Variants in IGDCC4 observed in about 807,000 individuals in gnomAD.
IGDCC4 encodes immunoglobulin superfamily DCC subclass member 4.
A neutral mutation model predicts 116.6 loss-of-function variants in IGDCC4; 72 were observed. The ratio of observed to expected loss-of-function variants is 0.62; its 90% CI spans 0.51 to 0.75. IGDCC4 has a LOEUF of 0.75. IGDCC4 is among the 30% of genes least tolerant of loss of function. The pLI is 0.00. For synonymous variants in IGDCC4, 709 were observed against 719.9 expected (o/e 0.98, Z 0.24); for missense variants, 1,501 against 1,662.4 (o/e 0.90, Z 1.69).
In IGDCC4 at chr15:65,400,959, C is replaced by A. The variant is rs751936847; in HGVS notation, c.701-13G>T. The A allele has an allele frequency of 1.9e-6, 3 of 1,613,928 alleles. No homozygotes were observed. Among genetic ancestry groups the A allele is most frequent in the Non-Finnish European group, 2.5e-6 (3 of 1,180,024 alleles). On this transcript the variant is annotated splice_polypyrimidine_tract_variant and intron_variant, in intron 4 of 19. Coordinates refer to ENST00000352385, the MANE Select transcript of IGDCC4 (RefSeq NM_020962.3). ...GACGCCAGGGACCCTGGCGAGAAGA[C>A]AGACCAGCAGGCAGCCTTACCATTA...
intron 1 of IGDCC4, among the ~76,000 whole-genome samples, chr15:65,422,381 T>C (rs926106121): frequency 1.3e-5 from 2 of 151,236 alleles, no homozygotes; most frequent in African/African-American, 4.9e-5. Context: ...CCTCCTCTTT[T>C]ACACACACTC....
intron 5 of IGDCC4, among the ~76,000 whole-genome samples, chr15:65,397,768 C>T (rs944844249): frequency 1.3e-5 from 2 of 152,030 alleles, no homozygotes; most frequent in African/African-American, 4.8e-5. Context: ...GAGAAAGGGC[C>T]ATAAAGGAGC....
chr15:65,387,218 G>T (rs889927450), intron 16 of IGDCC4, among the ~76,000 whole-genome samples: 2 of 151,842 alleles, frequency 1.3e-5, no homozygotes, highest in African/African-American at 4.8e-5. Flanking sequence ...GTGGAGACAG[G>T]GTCTCACCAT....
intron 7 of IGDCC4, 105 bp downstream of exon 7, chr15:65,395,645 C>T (rs994697433): frequency 1.6e-6 from 2 of 1,245,318 alleles, no homozygotes; most frequent in African/African-American, 1.6e-5. Flanking sequence ...CCATCCTTGC[C>T]GCAGAGGTAC....
intron 1 of IGDCC4, among the ~76,000 whole-genome samples, chr15:65,421,370 C>G (rs934891498): frequency 3.9e-5 from 6 of 152,186 alleles, no homozygotes; most frequent in African/African-American, 7.2e-5. Flanking sequence ...AGACAGACCT[C>G]TCTCTGACAC....
chr15:65,397,020 G>GGGT, intron 5 of IGDCC4, 31 bp from the exon 6 acceptor site: 1 of 1,562,636 alleles, frequency 6.4e-7, no homozygotes. Context: ...GCGCTGGAGG[G>GGGT]GACGCTAGGG....
At chr15:65,421,838 A>G (rs1304302803) in intron 1 of IGDCC4, among the ~76,000 whole-genome samples, 2 of 151,782 alleles carry the variant, frequency 1.3e-5, no homozygotes, top group Non-Finnish European at 2.9e-5. Context: ...CACACCGGAC[A>G]GGAAGCGACA....
chr15:65,393,661 C>T lies in IGDCC4; in HGVS notation c.1715-130G>A. 1.1e-6 allele frequency: 1 copy of T among 905,922 alleles called. No homozygotes were observed. The highest frequency in any genetic ancestry group is 1.6e-6 in the Non-Finnish European group (1 of 614,706). The allele number at this position is 905,922 out of a possible 1,614,324, so 56.1% of individuals were successfully genotyped here. A position where few individuals can be genotyped will look rare whatever the true frequency, so the allele number is the denominator to read the frequency against. On this transcript the variant is annotated intron_variant, in intron 9 of 19. Transcript: ENST00000352385. This position sits in a 1 kb window ranked among gnomAD's most constrained non-coding sequence, Gnocchi z 4.6. The stretch of plus-strand genomic sequence containing the variant: ...GTGGGAGCCTGAGGCGTTCTCAGCA[C>T]TGACCCCTCAGTGCCTGGGCAGATT...
chr15:65,385,225 G>A, intron 18 of IGDCC4, 110 bp from the exon 19 acceptor site: 3 of 1,121,822 alleles, frequency 2.7e-6, no homozygotes, highest in Non-Finnish European at 3.7e-6. Context: ...GGTCCAGACT[G>A]TCACCCGCTG....
chr15:65,403,101 A>G (rs1040698674), intron 3 of IGDCC4, among the ~76,000 whole-genome samples: 1 of 152,188 alleles, frequency 6.6e-6, no homozygotes, highest in Non-Finnish European at 1.5e-5. Flanking sequence ...CATGTGTTAA[A>G]CGATATTCAC....
chr15:65,420,362 C>T (rs746281077), intron 1 of IGDCC4, among the ~76,000 whole-genome samples: 7 of 152,222 alleles, frequency 4.6e-5, no homozygotes, highest in Non-Finnish European at 8.8e-5. Flanking sequence ...CCCCAACTGC[C>T]ACTATGCTAG....
In IGDCC4 at chr15:65,396,119, G is replaced by A; in HGVS notation, c.1042C>T (p.Arg348Trp). The A allele has an allele frequency of 6.9e-7, 1 of 1,452,914 alleles. No individual in the cohort carries two copies. Among genetic ancestry groups the A allele is most frequent in the Non-Finnish European group, 9.0e-7 (1 of 1,109,696 alleles). 90.0% of individuals were successfully genotyped at this position (1,452,914 alleles called of 1,614,324 possible). Residue 348 changes from arginine (R) to tryptophan (W), a missense_variant, in exon 7 of 20, where the codon CGG becomes TGG. Coordinates refer to ENST00000352385, the MANE Select transcript of IGDCC4 (RefSeq NM_020962.3). Reference sequence around the variant, plus strand: ...CACACGAAGCGCGCTGTGCTCGCCCGCGTCCGCGACAGCGCCTCGGGCGCC... The same window carrying A: ...CACACGAAGCGCGCTGTGCTCGCCCACGTCCGCGACAGCGCCTCGGGCGCC... ...TQAPEALSRT[R>W]ASTARFVCRA...
At chr15:65,394,648 A>G in intron 8 of IGDCC4, 100 bp from the exon 9 acceptor site, 1 of 1,217,018 alleles carries the variant, frequency 8.2e-7, no homozygotes, top group South Asian at 1.5e-5. Context: ...GCAAGTCAGA[A>G]GTAGGCCAGG....
intron 5 of IGDCC4, among the ~76,000 whole-genome samples, chr15:65,399,783 A>G (rs2062967237): frequency 6.6e-6 from 1 of 152,198 alleles, no homozygotes; most frequent in Admixed American, 6.5e-5. Flanking sequence ...TATTCGTGAT[A>G]TACACTTTTG....
At chr15:65,417,402 C>T (rs919861762) in intron 1 of IGDCC4, among the ~76,000 whole-genome samples, 7 of 152,140 alleles carry the variant, frequency 4.6e-5, no homozygotes, top group South Asian at 2.1e-4. Context: ...GCCTATCTCC[C>T]GCTCCCCTGA....
intron 1 of IGDCC4, among the ~76,000 whole-genome samples, chr15:65,413,340 C>G (rs1461889962): frequency 6.6e-6 from 1 of 152,042 alleles, no homozygotes; most frequent in Non-Finnish European, 1.5e-5. Flanking sequence ...AGCTAATTTC[C>G]CCAAGGCCAT....
chr15:65,388,635 G>A (rs1254836253), intron 15 of IGDCC4, 49 bp from the exon 16 acceptor site: 2 of 1,611,822 alleles, frequency 1.2e-6, no homozygotes, highest in South Asian at 2.2e-5. Context: ...TGGGGTGGGT[G>A]GATGCAGAGG....
intron 3 of IGDCC4, among the ~76,000 whole-genome samples, chr15:65,403,305 A>G (rs975746564): frequency 6.6e-6 from 1 of 152,140 alleles, no homozygotes; most frequent in Non-Finnish European, 1.5e-5. Context: ...ATGTTTGGGG[A>G]CATGTAGGCT....
chr15:65,411,107 C>T lies in IGDCC4; in HGVS notation c.334G>A (p.Val112Met). 4 of 1,614,248 alleles carry T rather than the reference C, an allele frequency of 2.5e-6. No individual in the cohort carries two copies. The highest frequency in any genetic ancestry group is 2.5e-6 in the Non-Finnish European group (3 of 1,180,050). Residue 112 changes from valine (V) to methionine (M), a missense_variant, in exon 2 of 20, where the codon GTG becomes ATG. Physicochemically the swap from Val to Met is conservative, Grantham distance 21. Transcript: ENST00000352385. ...GAATAGTTGCCTTCAATGACCCCCA[C>T]AGCCTCAGGGACTGACTCGTCACTG... is the stretch of plus-strand genomic sequence containing the variant. ...NGSDESVPEA[V>M]GVIEGNYSCL...
Sources: allele counts gnomAD v4.1 joint callset (sites outside exome capture counted in the v4.1 genomes callset), GRCh38; gene constraint gnomAD v4.1.1; non-coding constraint Gnocchi (gnomAD v3.1); transcripts MANE v1.5; gene names NCBI Gene and HGNC (gene_info 2026-07-23, HGNC 2026-07-21).